The following OAS3 variants were observed in gnomAD, a reference collection of about 807,000 sequenced individuals.
The protein encoded by OAS3 is 2'-5'-oligoadenylate synthase 3.
A neutral mutation model predicts 113.0 loss-of-function variants in OAS3; 107 were observed. The observed-to-expected ratio is 0.95, with a 90% CI of 0.81 to 1.11. The LOEUF (loss-of-function observed/expected upper bound fraction) is 1.11, where lower values mean the gene tolerates loss of function less well. Ranked by LOEUF, OAS3 falls within the 50% of genes most tolerant of loss-of-function variation. OAS3 has a pLI of 0.00. For synonymous variants in OAS3, 552 were observed against 573.6 expected, an observed-to-expected ratio of 0.96 and a Z score of 0.54; for missense variants, 1,258 against 1,389.1, an observed-to-expected ratio of 0.91 and a Z score of 1.50.
At position 112,962,770 on chromosome 12, in the gene OAS3, T is replaced by C. The variant is rs1280108427; in HGVS notation, c.1952T>C (p.Met651Thr). ...GGCTGCAGGCAGGATTGTTTCAACA[T>C]GGCCCAAGGCTTCCGGACGGTGCTG... ...EQGCRQDCFN[M>T]AQGFRTVLGL... Residue 651 changes from methionine to threonine, a missense_variant, in exon 9 of 16, where the codon ATG (methionine) becomes ACG (threonine). Transcript: ENST00000228928. The C allele has an allele frequency of 1.2e-6, 2 of 1,614,044 alleles. No individual in the cohort carries two copies.
intron 2 of OAS3, among the ~76,000 whole-genome samples, chr12:112,943,873 C>A (rs966105692): frequency 2.6e-5 from 4 of 152,134 alleles, no homozygotes; most frequent in African/African-American, 9.7e-5. Context: ...GCCAACATGA[C>A]TGGCTAATTT....
rs201675555 is a variant in OAS3 at position 112,969,990 on chromosome 12, G to T, written c.*17G>T. 1.2e-6 allele frequency: 2 copies of T among 1,605,970 alleles called. No homozygotes were observed. The highest frequency in any genetic ancestry group is 3.4e-5 in the Admixed American group (2 of 58,924). On this transcript the variant is annotated 3_prime_UTR_variant, in exon 16 of 16. Transcript: ENST00000228928. ...GCTGTGTGAAGTTGAGAAAATCAGC[G>T]GTCCTACTGGATGAAGAGAAGATGG...
rs761018176 is a variant in OAS3 at position 112,963,303 on chromosome 12, G to A, written c.2085-10G>A. 1.3e-5 allele frequency: 20 copies of A among 1,562,746 alleles called. No homozygotes were observed. The highest frequency in any genetic ancestry group is 2.7e-5 in the African/African-American group (2 of 73,064). ...CACCTTCCCCACCCACCTTCCTGCT[G>A]TGCCCCCAGACCCCTGGTCCTGGAC... is the stretch of plus-strand genomic sequence containing the variant. On this transcript the variant is annotated splice_polypyrimidine_tract_variant and intron_variant, in intron 9 of 15. Transcript: ENST00000228928. The surrounding 1 kb of genome is among the most constrained non-coding windows in gnomAD (Gnocchi z 4.6).
rs61942233 is a variant in OAS3 at position 112,965,870 on chromosome 12, C to T, written c.2530C>T (p.Arg844Ter). ...NKRAEIISEI[R>*]AQLEACQQER... ...GCGGGCCGAGATCATCTCCGAGATCCGAGCCCAGCTGGAGGCATGTCAACA... is the reference window on the plus strand; with the variant it reads ...GCGGGCCGAGATCATCTCCGAGATCTGAGCCCAGCTGGAGGCATGTCAACA... Residue 844 changes from arginine (R) to a stop codon, truncating the protein, a stop_gained, in exon 12 of 16, where the codon CGA becomes TGA. Transcript: ENST00000228928. LOFTEE classifies it high-confidence loss of function. 22,364 of 1,613,654 alleles carry T rather than the reference C, an allele frequency of 0.014. 179 individuals are homozygous for T. The highest frequency in any genetic ancestry group is 0.016 in the Non-Finnish European group (18,996 of 1,179,760).
chr12:112,950,141 C>T (rs183929088), intron 6 of OAS3, among the ~76,000 whole-genome samples: 86 of 152,328 alleles, frequency 5.6e-4, no homozygotes, highest in African/African-American at 2.0e-3. Flanking sequence ...CCTTCCCTCC[C>T]CCAGCCAGCA....
chr12:112,941,770 T>C lies in OAS3; in HGVS notation c.378T>C (p.Pro126=). 6.2e-7 allele frequency: 1 copy of C among 1,614,026 alleles called. No homozygotes were observed. The highest frequency in any genetic ancestry group is 8.5e-7 in the Non-Finnish European group (1 of 1,179,886). ...TCACGTTTCCTGAGCAGAGCGTGCCTGGGGCCCTGCAGTTCCGCCTGACAT... is the reference window on the plus strand; with the variant it reads ...TCACGTTTCCTGAGCAGAGCGTGCCCGGGGCCCTGCAGTTCCGCCTGACAT... ...LRLTFPEQSV[P]GALQFRLTSV... The change falls in exon 2 of 16, where the codon CCT becomes CCC. Residue 126 remains proline (P), a synonymous_variant. Transcript: ENST00000228928.
At position 112,963,582 on chromosome 12, in the gene OAS3, C is replaced by A; in HGVS notation, c.2229+125C>A. The A allele has an allele frequency of 1.1e-6, 1 of 948,584 alleles. No individual in the cohort carries two copies. Among genetic ancestry groups the A allele is most frequent in the South Asian group, 2.3e-5 (1 of 42,624 alleles). The allele number at this position is 948,584 out of a possible 1,614,324, so 58.8% of individuals were successfully genotyped here. On this transcript the variant is annotated intron_variant, in intron 10 of 15. Coordinates refer to ENST00000228928, the MANE Select transcript of OAS3 (RefSeq NM_006187.4). This position sits in a 1 kb window ranked among gnomAD's most constrained non-coding sequence, Gnocchi z 4.6. ...TTGGTGGCTGACAACTCATAGCCAC[C>A]CCTTCTCTGGAGACTTGCCTTTCAT... is the stretch of plus-strand genomic sequence containing the variant.
chr12:112,960,234 TA>T (rs1593182245), intron 7 of OAS3, among the ~76,000 whole-genome samples: 1 of 152,144 alleles, frequency 6.6e-6, no homozygotes. Flanking sequence ...TGCATTAATT[TA>T]ACAGTCTGGG....
At chr12:112,944,706 C>A in intron 3 of OAS3, 55 bp downstream of exon 3, 1 of 1,582,176 alleles carries the variant, frequency 6.3e-7, no homozygotes, top group South Asian at 1.1e-5. Context: ...TTTGTGCTTT[C>A]ATAGTCGTGA....
chr12:112,948,684 A>C (rs1257057811), intron 5 of OAS3, among the ~76,000 whole-genome samples, 177 bp from the exon 6 acceptor site: 1 of 152,002 alleles, frequency 6.6e-6, no homozygotes, highest in African/African-American at 2.4e-5. Flanking sequence ...CCAGAAAGGC[A>C]CCTTTTTCAA....
chr12:112,960,930 T>C (rs2043877029), intron 7 of OAS3, 141 bp from the exon 8 acceptor site: 4 of 810,258 alleles, frequency 4.9e-6, no homozygotes, highest in African/African-American at 1.7e-5. Flanking sequence ...CTGATTGTTA[T>C]TCAATGTTAT....
chr12:112,944,739 G>A (rs1414204249), intron 3 of OAS3, 88 bp downstream of exon 3: 2 of 1,363,526 alleles, frequency 1.5e-6, no homozygotes, highest in African/African-American at 1.4e-5. Context: ...ACATTTAGTG[G>A]CCATTCATGT....
In OAS3 at chr12:112,950,796, G is replaced by T; in HGVS notation, c.1478G>T (p.Arg493Leu). The change falls in exon 7 of 16, where the codon CGC (arginine) becomes CTC (leucine). Residue 493 changes from arginine to leucine, a missense_variant. Transcript: ENST00000228928. ...FTDYKDQGPR[R>L]AEILDEMRAQ... is the part of the protein sequence containing the mutation. ...GACTACAAGGACCAGGGGCCCCGCC[G>T]CGCAGAGATCCTTGATGAGATGCGA... 2 of 1,614,020 alleles carry T rather than the reference G, an allele frequency of 1.2e-6. No individual in the cohort carries two copies. The highest frequency in any genetic ancestry group is 1.7e-6 in the Non-Finnish European group (2 of 1,179,892).
In OAS3 at chr12:112,949,073, G is replaced by A. The variant is rs767121869; in HGVS notation, c.1242G>A (p.Lys414=). ...MALDLSQIPT[K]ELDRFIQDHL... ...TGGACCTGTCTCAGATCCCCACCAAGGAGCTGGACCGCTTCATCCAGGACC... is the reference window on the plus strand; with the variant it reads ...TGGACCTGTCTCAGATCCCCACCAAAGAGCTGGACCGCTTCATCCAGGACC... The change falls in exon 6 of 16, where the codon AAG becomes AAA. Residue 414 remains lysine (K), a synonymous_variant. Transcript: ENST00000228928. 1 of 1,614,028 alleles carries A rather than the reference G, an allele frequency of 6.2e-7. No individual in the cohort carries two copies. Among genetic ancestry groups the A allele is most frequent in the East Asian group, 2.2e-5 (1 of 44,872 alleles).
chr12:112,965,247 G>A (rs1232106892), intron 11 of OAS3, among the ~76,000 whole-genome samples: 1 of 152,208 alleles, frequency 6.6e-6, no homozygotes, highest in African/African-American at 2.4e-5. Context: ...TGATCCTCAC[G>A]TTCCTGATTT....
chr12:112,944,107 G>A (rs2043705141), intron 2 of OAS3, among the ~76,000 whole-genome samples: 1 of 152,202 alleles, frequency 6.6e-6, no homozygotes, highest in African/African-American at 2.4e-5. Flanking sequence ...GTAGAGTGGT[G>A]TTTTGAGGAA....
At position 112,948,842 on chromosome 12, in the gene OAS3, T is replaced by C; in HGVS notation, c.1030-19T>C. The C allele has an allele frequency of 6.5e-7, 1 of 1,534,310 alleles. No homozygotes were observed. The highest frequency in any genetic ancestry group is 8.8e-7 in the Non-Finnish European group (1 of 1,134,608). On this transcript the variant is annotated intron_variant, in intron 5 of 15. Coordinates refer to ENST00000228928, the MANE Select transcript of OAS3 (RefSeq NM_006187.4). ...AACCACTGCGCCTGGCTGAGGCAGCTCCTTCAATGACCTTCCAGGGCCTTC... is the reference window on the plus strand; with the variant it reads ...AACCACTGCGCCTGGCTGAGGCAGCCCCTTCAATGACCTTCCAGGGCCTTC...
At chr12:112,939,465 G>A (rs926487773) in intron 1 of OAS3, among the ~76,000 whole-genome samples, 7 of 151,980 alleles carry the variant, frequency 4.6e-5, no homozygotes, top group African/African-American at 1.7e-4. Flanking sequence ...CACTACAGGT[G>A]CACACTACCA....
intron 7 of OAS3, among the ~76,000 whole-genome samples, chr12:112,955,579 A>T (rs940187366): frequency 6.6e-6 from 1 of 152,176 alleles, no homozygotes; most frequent in South Asian, 2.1e-4. Context: ...TGAAATAATC[A>T]TGTGGTTTTT....
Sources: gnomAD v4.1 joint callset for allele counts (sites outside exome capture counted in the v4.1 genomes callset) on GRCh38, gnomAD v4.1.1 for gene constraint, Gnocchi (gnomAD v3.1) non-coding constraint, MANE v1.5 for transcripts, NCBI Gene and HGNC (gene_info 2026-07-23, HGNC 2026-07-21) for gene names.